The following NEGR1 variants were observed in gnomAD, a reference collection of about 807,000 sequenced individuals.
NEGR1 encodes IgLON family member 4.
Under a neutral mutation model 40.9 loss-of-function variants are expected in NEGR1, and 10 were observed. The ratio of observed to expected loss-of-function variants is 0.24; its 90% CI spans 0.15 to 0.42. The LOEUF (loss-of-function observed/expected upper bound fraction) is 0.42, where lower values mean the gene tolerates loss of function less well. NEGR1 is among the 10% of genes least tolerant of loss of function. The pLI, the probability that NEGR1 is intolerant of heterozygous loss-of-function variation, is 1.00. For missense variants in NEGR1, 352 were observed against 438.9 expected (o/e 0.80, Z 1.77); for synonymous variants, 185 against 166.8 (o/e 1.11, Z -0.84).
intron 4 of NEGR1, among the ~76,000 whole-genome samples, chr1:71,627,757 T>C (rs924588143): frequency 6.6e-6 from 1 of 152,060 alleles, no homozygotes; most frequent in Non-Finnish European, 1.5e-5. Context: ...TTATTCATTC[T>C]CAAAATCTCC....
At chr1:71,661,414 AT>A (rs1652050633) in intron 4 of NEGR1, among the ~76,000 whole-genome samples, 4 of 152,316 alleles carry the variant, frequency 2.6e-5, no homozygotes, top group African/African-American at 9.6e-5. Context: ...TAACTGTATA[AT>A]GTAAAGGATG....
chr1:71,926,384 A>G (rs1366530548), intron 2 of NEGR1, among the ~76,000 whole-genome samples: 4 of 151,794 alleles, frequency 2.6e-5, no homozygotes, highest in Non-Finnish European at 1.5e-5. Flanking sequence ...ATTTCTCCTC[A>G]TCAACACTGA....
intron 1 of NEGR1, among the ~76,000 whole-genome samples, chr1:71,938,449 T>C (rs967818854): frequency 5.3e-5 from 8 of 149,986 alleles, no homozygotes; most frequent in Non-Finnish European, 7.4e-5. Flanking sequence ...TAAAGATTCC[T>C]TGAGAATAAG....
At chr1:71,621,836 T>C (rs1650618668) in intron 4 of NEGR1, among the ~76,000 whole-genome samples, 1 of 151,910 alleles carries the variant, frequency 6.6e-6, no homozygotes, top group African/African-American at 2.4e-5. Context: ...TTAGTCATTA[T>C]ATTGTGGTAT....
intron 6 of NEGR1, among the ~76,000 whole-genome samples, chr1:71,444,841 T>C (rs1417777332): frequency 6.6e-6 from 1 of 152,160 alleles, no homozygotes; most frequent in Non-Finnish European, 1.5e-5. Context: ...ACAGTTTTTG[T>C]CCAAAAGGCA....
At chr1:71,469,985 A>G (rs1184869188) in intron 6 of NEGR1, among the ~76,000 whole-genome samples, 1 of 152,104 alleles carries the variant, frequency 6.6e-6, no homozygotes, top group East Asian at 1.9e-4. Flanking sequence ...CTGAAAAGTA[A>G]AGTCTTTTTA....
In NEGR1 at chr1:71,460,369, G is replaced by A. The variant is rs143610153; in HGVS notation, c.941-52799C>T. On this transcript the variant is annotated intron_variant, in intron 6 of 6. Transcript: ENST00000357731. ...AGGCAAACAAGTCACCTAGGGCCAG[G>A]GCACAAAATTTAAGTAGGTTCTTAC... 2.2e-4 allele frequency among the ~76,000 whole-genome samples: 34 copies of A among 152,094 alleles called. No homozygotes were observed. In the East Asian group the frequency reaches 6.4e-3, roughly 29 times the overall value.
chr1:72,281,641 G>C (rs1656255803), intron 1 of NEGR1, among the ~76,000 whole-genome samples: 1 of 150,682 alleles, frequency 6.6e-6, no homozygotes, highest in African/African-American at 2.4e-5. Context: ...GGAGGAAAGG[G>C]GATTAAATGT....
intron 2 of NEGR1, among the ~76,000 whole-genome samples, chr1:71,871,238 T>A (rs1660268015): frequency 1.3e-5 from 2 of 152,160 alleles, no homozygotes; most frequent in Admixed American, 6.6e-5. Flanking sequence ...TAGGCTGAGA[T>A]GTAAAAAGAC....
chr1:71,452,408 T>C (rs1165821573), intron 6 of NEGR1, among the ~76,000 whole-genome samples: 2 of 152,220 alleles, frequency 1.3e-5, no homozygotes, highest in African/African-American at 4.8e-5. Context: ...ACTAAAGTGT[T>C]GAAATTTCTC....
At chr1:72,061,371 T>C (rs1281812593) in intron 1 of NEGR1, among the ~76,000 whole-genome samples, 3 of 151,704 alleles carry the variant, frequency 2.0e-5, no homozygotes, top group African/African-American at 7.3e-5. Flanking sequence ...ATCCTAAAAT[T>C]ACATTTAAAA....
intron 6 of NEGR1, among the ~76,000 whole-genome samples, chr1:71,539,252 A>G (rs1647606138): frequency 6.6e-6 from 1 of 151,804 alleles, no homozygotes; most frequent in Non-Finnish European, 1.5e-5. Flanking sequence ...AATTGAAATT[A>G]CTTTAAAATC....
At chr1:72,167,686 C>T (rs1651815499) in intron 1 of NEGR1, among the ~76,000 whole-genome samples, 1 of 151,982 alleles carries the variant, frequency 6.6e-6, no homozygotes, top group Non-Finnish European at 1.5e-5. Context: ...TTTAACAAAA[C>T]TGTCTTTTCT....
At chr1:71,542,519 G>A (rs1647745717) in intron 6 of NEGR1, among the ~76,000 whole-genome samples, 1 of 151,742 alleles carries the variant, frequency 6.6e-6, no homozygotes, top group African/African-American at 2.4e-5. Flanking sequence ...AGGGCATTCT[G>A]ATTCCATCAG....
At chr1:72,083,326 T>C (rs1298547553) in intron 1 of NEGR1, among the ~76,000 whole-genome samples, 1 of 151,918 alleles carries the variant, frequency 6.6e-6, no homozygotes, top group African/African-American at 2.4e-5. Flanking sequence ...CCTCCCTTCC[T>C]TCTCTTTCTT....
rs188071662 is a variant in NEGR1 at position 71,838,296 on chromosome 1, A to C, written c.410-61999T>G. Among the ~76,000 whole-genome samples the C allele has an allele frequency of 1.1e-4, 16 of 152,310 alleles. No individual in the cohort carries two copies. The East Asian group carries it at 2.1e-3, about 20-fold the overall frequency. ...CCACATGGCTCAAATGCAGCATAAA[A>C]TATGTTTTAAATATAACCATGTAAG... On this transcript the variant is annotated intron_variant, in intron 2 of 6. Transcript: ENST00000357731.
At chr1:71,585,053 CA>C in intron 6 of NEGR1, among the ~76,000 whole-genome samples, 1 of 152,010 alleles carries the variant, frequency 6.6e-6, no homozygotes, top group Admixed American at 6.6e-5. Flanking sequence ...ATGATTAGGC[CA>C]GCAGTGCTCT....
In NEGR1 at chr1:71,833,663, C is replaced by T. The variant is rs537541596; in HGVS notation, c.410-57366G>A. Among the ~76,000 whole-genome samples the T allele has an allele frequency of 3.1e-3, 464 of 152,102 alleles. 5 individuals are homozygous for T. Among genetic ancestry groups the T allele is most frequent in the African/African-American group, 0.011 (445 of 41,496 alleles). On this transcript the variant is annotated intron_variant, in intron 2 of 6. Transcript: ENST00000357731. The stretch of plus-strand genomic sequence containing the variant: ...TGGGTCAGTCTTTCAGCACTTGACT[C>T]GGGCTTCTGACTGCACTAGACCTGA...
intron 3 of NEGR1, among the ~76,000 whole-genome samples, chr1:71,699,406 G>GT (rs1420648378): frequency 1.3e-5 from 2 of 151,668 alleles, no homozygotes; most frequent in African/African-American, 4.8e-5. Flanking sequence ...TGATTAAGTC[G>GT]TATTTCCATT....
Sources: gnomAD v4.1 joint callset for allele counts (sites outside exome capture counted in the v4.1 genomes callset) on GRCh38, gnomAD v4.1.1 for gene constraint, MANE v1.5 for transcripts, NCBI Gene and HGNC (gene_info 2026-07-23, HGNC 2026-07-21) for gene names.